FRMD5: variants seen among roughly 807,000 people sequenced by gnomAD.
The protein encoded by FRMD5 is FERM domain-containing protein 5.
Under a neutral mutation model 69.0 loss-of-function variants are expected in FRMD5, and 20 were observed. That is an observed-to-expected ratio of 0.29 (90% CI 0.20 to 0.42). The LOEUF (loss-of-function observed/expected upper bound fraction) is 0.42. FRMD5 is among the 10% of genes least tolerant of loss of function. FRMD5 has a pLI of 1.00. For synonymous variants in FRMD5, 271 were observed against 260.1 expected (o/e 1.04, Z -0.40); for missense variants, 595 against 708.6 (o/e 0.84, Z 1.82).
At chr15:44,098,130 T>A (rs150433141) in intron 1 of FRMD5, among the ~76,000 whole-genome samples, 10 of 29,546 alleles carry the variant, frequency 3.4e-4, no homozygotes, top group Admixed American at 3.7e-4. Flanking sequence ...AAAAAAAAAC[T>A]AAACAACAAC....
intron 5 of FRMD5, among the ~76,000 whole-genome samples, chr15:43,907,396 G>T (rs2089198912): frequency 6.6e-6 from 1 of 152,150 alleles, no homozygotes; most frequent in South Asian, 2.1e-4. Context: ...TTTTGAGACA[G>T]GGTCTCACTG....
intron 1 of FRMD5, among the ~76,000 whole-genome samples, chr15:44,050,684 G>T (rs559003167): frequency 1.4e-5 from 2 of 147,324 alleles, no homozygotes; most frequent in Non-Finnish European, 3.0e-5. Flanking sequence ...TTCAGACAGA[G>T]TCTCGCTCTG....
Position 43,909,921 on chromosome 15 carries a change from T to C in FRMD5, c.388A>G (p.Thr130Ala), listed in dbSNP as rs1220662342. ...GCTGCTAACAAGGCAGCATCCGATG[T>C]TTTACAGAGGAGTCGGCCATGGTAG... is the stretch of plus-strand genomic sequence containing the variant. ...DLYHGRLLCK[T>A]SDAALLAAYI... The change falls in exon 5 of 14, where the codon ACA (threonine) becomes GCA (alanine). Residue 130 changes from threonine to alanine, a missense_variant. Coordinates refer to ENST00000417257, the MANE Select transcript of FRMD5 (RefSeq NM_032892.5). 1 of 1,613,236 alleles carries C rather than the reference T, an allele frequency of 6.2e-7. No homozygotes were observed. The highest frequency in any genetic ancestry group is 8.5e-7 in the Non-Finnish European group (1 of 1,179,458).
At chr15:44,188,582 T>A (rs1467490193) in intron 1 of FRMD5, among the ~76,000 whole-genome samples, 2 of 152,168 alleles carry the variant, frequency 1.3e-5, no homozygotes, top group East Asian at 1.9e-4. Flanking sequence ...AGAATTTGCA[T>A]TTCTAACAAG....
At chr15:43,982,406 T>C (rs891729320) in intron 1 of FRMD5, among the ~76,000 whole-genome samples, 15 of 152,258 alleles carry the variant, frequency 9.9e-5, no homozygotes, top group Admixed American at 7.9e-4. Context: ...GGTCTTCTTT[T>C]TGTAAAACCC....
rs79139125 is a variant in FRMD5, at chr15:43,873,084, G to A, written c.*801C>T. 3.4e-3 allele frequency: 4,376 copies of A among 1,270,962 alleles called. 115 individuals carry two copies. The African/African-American group carries it at 0.059, about 17-fold the overall frequency. The allele number at this position is 1,270,962 out of a possible 1,614,324, so 78.7% of individuals were successfully genotyped here. ...CACTATAAAAGTCTTGAGGTTCTTC[G>A]GAAAAAAAAAATCACGTTAAGTCTA... On this transcript the variant is annotated 3_prime_UTR_variant, in exon 14 of 14. Transcript: ENST00000417257.
At chr15:43,881,270 C>G (rs1351784005) in intron 13 of FRMD5, among the ~76,000 whole-genome samples, 1 of 152,098 alleles carries the variant, frequency 6.6e-6, no homozygotes, top group Non-Finnish European at 1.5e-5. Context: ...GAAAGAAAGG[C>G]CACAGAGGGG....
chr15:44,031,554 A>G (rs1253888083), intron 1 of FRMD5, among the ~76,000 whole-genome samples: 1 of 152,094 alleles, frequency 6.6e-6, no homozygotes, highest in Non-Finnish European at 1.5e-5. Flanking sequence ...TCAACCCCTT[A>G]TAAGGTCATT....
rs568400423 is a variant in FRMD5, at chr15:43,959,492, T to C, written c.103-35183A>G. 2.0e-5 allele frequency among the ~76,000 whole-genome samples: 3 copies of C among 152,370 alleles called. 1 individual carries two copies. Among genetic ancestry groups the C allele is most frequent in the African/African-American group, 7.2e-5 (3 of 41,586 alleles). ...TTAATAGTCGATATGAATATTTTAA[T>C]AGCTGATTTAGATTTTAATAGCTGC... On this transcript the variant is annotated intron_variant, in intron 1 of 13. Coordinates refer to ENST00000417257, the MANE Select transcript of FRMD5 (RefSeq NM_032892.5).
In FRMD5 at chr15:44,046,400, C is replaced by T. The variant is rs889974386; in HGVS notation, c.103-122091G>A. ...GACAAATGACAGAAAATGCATTATG[C>T]GCTTTATTGCACCAAGGACACTTCC... On this transcript the variant is annotated intron_variant, in intron 1 of 13. Transcript: ENST00000417257. Among the ~76,000 whole-genome samples, 132 of 152,128 alleles carry T rather than the reference C, an allele frequency of 8.7e-4. 3 individuals are homozygous for T. Among genetic ancestry groups the T allele is most frequent in the East Asian group, 1.9e-4 (1 of 5,196 alleles).
chr15:44,001,559 C>T (rs1329502385), intron 1 of FRMD5, among the ~76,000 whole-genome samples: 1 of 151,014 alleles, frequency 6.6e-6, no homozygotes, highest in Admixed American at 6.6e-5. Context: ...AATCTTTAAT[C>T]CATTTTGAGT....
chr15:44,095,721 T>G (rs1347353579), intron 1 of FRMD5, among the ~76,000 whole-genome samples: 2 of 152,276 alleles, frequency 1.3e-5, no homozygotes, highest in East Asian at 3.9e-4. Flanking sequence ...AGTTACTTTA[T>G]TCCCTCCTGG....
chr15:43,919,129 T>C (rs1228050128), intron 4 of FRMD5: 1 of 435,454 alleles, frequency 2.3e-6, no homozygotes, highest in African/African-American at 2.0e-5. Flanking sequence ...AGCAGCAACA[T>C]AGCTCTCTCC....
At chr15:44,094,142 C>T (rs1227088384) in intron 1 of FRMD5, among the ~76,000 whole-genome samples, 2 of 152,188 alleles carry the variant, frequency 1.3e-5, no homozygotes, top group African/African-American at 4.8e-5. Flanking sequence ...GAATTGAAAT[C>T]ATGACAACAA....
intron 1 of FRMD5, among the ~76,000 whole-genome samples, chr15:44,158,153 C>G (rs1331787025): frequency 6.6e-6 from 1 of 152,194 alleles, no homozygotes; most frequent in Non-Finnish European, 1.5e-5. Flanking sequence ...TTTAGAGCCT[C>G]TGTCTCACCC....
At chr15:43,913,587 C>G (rs1267145583) in intron 4 of FRMD5, among the ~76,000 whole-genome samples, 1 of 152,236 alleles carries the variant, frequency 6.6e-6, no homozygotes, top group African/African-American at 2.4e-5. Context: ...GGCATGTTCT[C>G]CCCTGCCACA....
At chr15:44,032,123 A>G (rs2140287109) in intron 1 of FRMD5, among the ~76,000 whole-genome samples, 1 of 152,312 alleles carries the variant, frequency 6.6e-6, no homozygotes, top group African/African-American at 2.4e-5. Context: ...TATTCAATAA[A>G]TGGTGGTGGG....
chr15:44,044,922 C>A (rs1404830568), intron 1 of FRMD5, among the ~76,000 whole-genome samples: 2 of 151,958 alleles, frequency 1.3e-5, no homozygotes, highest in African/African-American at 2.4e-5. Flanking sequence ...AAAAAAAATT[C>A]TCATTCCCTT....
At chr15:44,141,175 C>T (rs913914182) in intron 1 of FRMD5, among the ~76,000 whole-genome samples, 9 of 151,908 alleles carry the variant, frequency 5.9e-5, no homozygotes, top group Admixed American at 3.3e-4. Flanking sequence ...ATTATGTTCA[C>T]AAACATGAAT....
Sources: gnomAD v4.1 joint callset for allele counts (sites outside exome capture counted in the v4.1 genomes callset) on GRCh38, gnomAD v4.1.1 for gene constraint, MANE v1.5 for transcripts, NCBI Gene and HGNC (gene_info 2026-07-23, HGNC 2026-07-21) for gene names.